The following POM121 variants were observed in gnomAD, a reference collection of about 807,000 sequenced individuals.
POM121 encodes nuclear envelope pore membrane protein POM 121.
In POM121, 32 loss-of-function variants were observed where a neutral mutation model predicts 81.3. The ratio of observed to expected loss-of-function variants is 0.39; its 90% CI spans 0.30 to 0.53. The LOEUF (loss-of-function observed/expected upper bound fraction) is 0.53, where lower values mean the gene tolerates loss of function less well. Among genes scored for constraint, POM121 ranks in the 20% least tolerant of loss-of-function variants. The probability of loss-of-function intolerance (pLI) is 0.66; values close to 1 mark genes in which losing one functional copy is unlikely to be tolerated. For synonymous variants in POM121, 514 were observed against 694.2 expected (o/e 0.74, Z 4.08); for missense variants, 1,138 against 1,614.6 (o/e 0.70, Z 5.06).
At chr7:72,927,808 G>C (rs1206786641) in intron 3 of POM121, among the ~76,000 whole-genome samples, 3 of 152,188 alleles carry the variant, frequency 2.0e-5, no homozygotes, top group African/African-American at 7.2e-5. Flanking sequence ...AAGTGGCTGA[G>C]CATTTATTGA....
chr7:72,886,303 A>T (rs565319613), intron 1 of POM121, among the ~76,000 whole-genome samples: 1 of 152,140 alleles, frequency 6.6e-6, no homozygotes, highest in Non-Finnish European at 1.5e-5. Context: ...CCTCCTGGGT[A>T]GCTGGGATTA....
At chr7:72,948,866 C>G (rs1563180220), downstream of POM121, 8 of 1,600,334 alleles carry the variant, frequency 5.0e-6, no homozygotes, top group Non-Finnish European at 6.0e-6. Context: ...ATCCCCCCCT[C>G]CACGACCCTG....
upstream of POM121, among the ~76,000 whole-genome samples, chr7:72,923,113 ACCC>A (rs376744233): frequency 1.2e-5 from 1 of 80,762 alleles, no homozygotes; most frequent in Non-Finnish European, 2.5e-5. Context: ...CTCCCCCCCA[ACCC>A]CCCCCCCCTT....
chr7:72,924,918 C>G, upstream of POM121: 2 of 917,696 alleles, frequency 2.2e-6, no homozygotes, highest in Non-Finnish European at 3.0e-6. Context: ...GGATGTGGCG[C>G]TGGGAGCCAC....
In POM121 at chr7:72,941,012, G is replaced by A. The variant is rs368729146; in HGVS notation, c.1843+19G>A. The stretch of plus-strand genomic sequence containing the variant: ...TGCCCAGGTGAGCTGGAGTGGGGCC[G>A]TGGATCCAGCCTTCTGAGCAGCATC... On this transcript the variant is annotated intron_variant, in intron 10 of 12. Coordinates refer to ENST00000434423, the MANE Select transcript of POM121 (RefSeq NM_001387691.1). The A allele has an allele frequency of 2.4e-5, 39 of 1,608,202 alleles. No homozygotes were observed. The highest frequency in any genetic ancestry group is 1.2e-4 in the African/African-American group (9 of 74,576).
intron 10 of POM121, 151 bp from the exon 11 acceptor site, chr7:72,941,686 T>C: frequency 1.9e-6 from 2 of 1,042,142 alleles, no homozygotes; most frequent in South Asian, 1.7e-5. Context: ...CTTGATTTAC[T>C]GTACAGGCCT....
chr7:72,935,262 TC>T (rs2129579066), intron 5 of POM121, among the ~76,000 whole-genome samples: 1 of 152,080 alleles, frequency 6.6e-6, no homozygotes, highest in African/African-American at 2.4e-5. Context: ...TGCCTTGAAC[TC>T]CCAGGCTCAA....
chr7:72,906,331 C>T lies in POM121; in HGVS notation c.-215-7434C>T, dbSNP rs62463399. 5.9e-5 allele frequency among the ~76,000 whole-genome samples: 9 copies of T among 152,224 alleles called. No homozygotes were observed. In the East Asian group the frequency reaches 9.6e-4, roughly 16 times the overall value. ...CGGACCCACCAAGGTGCAGAACCCA[C>T]GGTTTTGGAGGACAGAGTTCCGCTG... On this transcript the variant is annotated intron_variant, in intron 3 of 15. Coordinates refer to the POM121 transcript ENST00000395270.
chr7:72,917,344 G>T (rs1415973293), intron 4 of POM121, among the ~76,000 whole-genome samples: 1 of 152,212 alleles, frequency 6.6e-6, no homozygotes, highest in Non-Finnish European at 1.5e-5. Context: ...AGCTGGGCCT[G>T]CACTGACCCT....
chr7:72,919,114 C>T (rs1277734468), intron 4 of POM121, among the ~76,000 whole-genome samples: 1 of 151,522 alleles, frequency 6.6e-6, no homozygotes, highest in Non-Finnish European at 1.5e-5. Context: ...CCATGTTGGT[C>T]AGTCTGATCT....
intron 3 of POM121, among the ~76,000 whole-genome samples, chr7:72,908,864 T>C (rs1793538272): frequency 6.6e-6 from 1 of 152,214 alleles, no homozygotes; most frequent in African/African-American, 2.4e-5. Flanking sequence ...CCTGTTCTTT[T>C]TTCAAGGTGC....
At chr7:72,891,827 A>T (rs1224577648) in intron 3 of POM121, among the ~76,000 whole-genome samples, 1 of 152,136 alleles carries the variant, frequency 6.6e-6, no homozygotes, top group Non-Finnish European at 1.5e-5. Context: ...AATACCTTGG[A>T]CTTATTTTCT....
chr7:72,894,804 G>A (rs534774231), intron 3 of POM121, among the ~76,000 whole-genome samples: 11 of 152,054 alleles, frequency 7.2e-5, no homozygotes, highest in East Asian at 5.8e-4. Flanking sequence ...CTACAGGTGC[G>A]CACAGCTGAC....
chr7:72,902,801 A>G (rs1792830338), intron 3 of POM121, among the ~76,000 whole-genome samples: 1 of 152,212 alleles, frequency 6.6e-6, no homozygotes, highest in Non-Finnish European at 1.5e-5. Context: ...AAGTGCTGGA[A>G]TTACAGGCAT....
At chr7:72,944,051 C>T (rs1337813515) in intron 11 of POM121, among the ~76,000 whole-genome samples, 2 of 151,770 alleles carry the variant, frequency 1.3e-5, no homozygotes, top group East Asian at 2.0e-4. Context: ...AAAAACAAAC[C>T]GTAAGCTGAA....
chr7:72,887,700 G>A (rs776702030), intron 1 of POM121, among the ~76,000 whole-genome samples: 6 of 152,206 alleles, frequency 3.9e-5, no homozygotes, highest in Admixed American at 6.6e-5. Context: ...GCTGGTGCAC[G>A]CCTGTAATCC....
chr7:72,901,766 G>T (rs1792673700), intron 3 of POM121, among the ~76,000 whole-genome samples: 1 of 151,738 alleles, frequency 6.6e-6, no homozygotes, highest in Non-Finnish European at 1.5e-5. Context: ...GCCTTCCAAG[G>T]TGCTGGGATT....
downstream of POM121, chr7:72,948,368 G>A (rs371127717): frequency 6.1e-5 from 99 of 1,612,788 alleles, 1 homozygote; most frequent in Non-Finnish European, 8.2e-5. Context: ...GCCCGAGGAA[G>A]GGACCCAATA....
In POM121 at chr7:72,930,098, G is replaced by A. The variant is rs1339766034; in HGVS notation, c.1262G>A (p.Arg421Gln). The change falls in exon 5 of 13, where the codon CGA (arginine) becomes CAA (glutamine). Residue 421 changes from arginine (R) to glutamine (Q), a missense_variant. Coordinates refer to ENST00000434423, the MANE Select transcript of POM121 (RefSeq NM_001387691.1). ...NAITSSYSST[R>Q]GISQLWKRNG... ...ATTACCAGTTCCTACAGCTCCACTCGAGGCATCTCACAGGTACAAGTACAG... is the reference window on the plus strand; with the variant it reads ...ATTACCAGTTCCTACAGCTCCACTCAAGGCATCTCACAGGTACAAGTACAG... The A allele has an allele frequency of 6.8e-6, 11 of 1,610,280 alleles. No homozygotes were observed. Among genetic ancestry groups the A allele is most frequent in the Admixed American group, 1.7e-5 (1 of 58,988 alleles).
Sources: gnomAD v4.1 joint callset for allele counts (sites outside exome capture counted in the v4.1 genomes callset) on GRCh38, gnomAD v4.1.1 for gene constraint, MANE v1.5 for transcripts, NCBI Gene and HGNC (gene_info 2026-07-23, HGNC 2026-07-21) for gene names.